The following UTP20 variants were observed in gnomAD, a reference collection of about 807,000 sequenced individuals.
UTP20 encodes the protein UTP20 small subunit processome component.
A neutral mutation model predicts 329.5 loss-of-function variants in UTP20; 164 were observed. That is an observed-to-expected ratio of 0.50 (90% confidence interval 0.44 to 0.57). The LOEUF (loss-of-function observed/expected upper bound fraction) is 0.57, where lower values mean the gene tolerates loss of function less well. Ranked by LOEUF, UTP20 falls within the 20% of genes least tolerant of loss-of-function variation. The pLI, the probability that UTP20 is intolerant of heterozygous loss-of-function variation, is 0.00. For synonymous variants in UTP20, 1,151 were observed against 1,159.3 expected (o/e 0.99, Z 0.14); for missense variants, 3,055 against 3,284.2 (o/e 0.93, Z 1.71).
intron 27 of UTP20, 96 bp downstream of exon 27, chr12:101,329,545 C>T: frequency 1.6e-6 from 2 of 1,241,348 alleles, no homozygotes; most frequent in Non-Finnish European, 2.2e-6. Flanking sequence ...TATCTTCCAA[C>T]TCTCATTTCA....
chr12:101,340,649 G>A (rs745632300), intron 32 of UTP20, 39 bp downstream of exon 32: 2 of 1,362,006 alleles, frequency 1.5e-6, no homozygotes, highest in South Asian at 1.2e-5. Flanking sequence ...TCTCTAGAGT[G>A]GCACTTTATC....
At chr12:101,370,964 A>C in intron 50 of UTP20, 94 bp from the exon 51 acceptor site, 1 of 1,040,302 alleles carries the variant, frequency 9.6e-7, no homozygotes. Context: ...CTTGTGTTTG[A>C]AAATGTCCTG....
At position 101,312,073 on chromosome 12, in the gene UTP20, C is replaced by T. The variant is rs1011525149; in HGVS notation, c.2349C>T (p.Ser783=). ...AGAATGATATGACAGATGAGAAGTC[C>T]GTTGGAGATGAAAGTTGGGAGCAGA... ...ELQNDMTDEK[S]VGDESWEQTQ... is the part of the protein sequence containing the mutation. The change falls in exon 21 of 62, where the codon TCC becomes TCT. Residue 783 remains serine, a synonymous_variant. Coordinates refer to ENST00000261637, the MANE Select transcript of UTP20 (RefSeq NM_014503.3). The T allele has an allele frequency of 4.3e-6, 7 of 1,614,004 alleles. No individual in the cohort carries two copies. The highest frequency in any genetic ancestry group is 5.1e-6 in the Non-Finnish European group (6 of 1,180,036).
intron 41 of UTP20, 131 bp from the exon 42 acceptor site, chr12:101,356,423 G>A (rs2120982979): frequency 1.1e-6 from 1 of 912,454 alleles, no homozygotes; most frequent in South Asian, 2.0e-5. Context: ...ACCGCACCCA[G>A]CCTTTTCTTT....
At chr12:101,354,143 T>C (rs552384884) in intron 40 of UTP20, among the ~76,000 whole-genome samples, 20 of 150,950 alleles carry the variant, frequency 1.3e-4, no homozygotes, top group South Asian at 6.3e-4. Context: ...ACACTTGTAA[T>C]CTCAACTACT....
At chr12:101,290,074 GT>G in intron 6 of UTP20, 62 bp from the exon 7 acceptor site, 2 of 1,243,116 alleles carry the variant, frequency 1.6e-6, no homozygotes, top group Non-Finnish European at 2.2e-6. Context: ...GCAAATGAGA[GT>G]TCTTCATTTG....
At chr12:101,314,822 T>C (rs1872916284) in intron 21 of UTP20, among the ~76,000 whole-genome samples, 1 of 152,110 alleles carries the variant, frequency 6.6e-6, no homozygotes, top group Non-Finnish European at 1.5e-5. Flanking sequence ...CAGTGTTGGC[T>C]GGGCACAGTG....
chr12:101,300,094 T>A (rs1257181078), intron 14 of UTP20, 33 bp downstream of exon 14: 2 of 1,589,416 alleles, frequency 1.3e-6, no homozygotes, highest in Admixed American at 3.3e-5. Flanking sequence ...TCTCTTCTCT[T>A]CTTTTCTGGC....
At chr12:101,316,569 G>A (rs901915360) in intron 21 of UTP20, among the ~76,000 whole-genome samples, 2 of 152,118 alleles carry the variant, frequency 1.3e-5, no homozygotes, top group African/African-American at 4.8e-5. Flanking sequence ...TAGTGTTATC[G>A]ATCTGGAGGT....
intron 56 of UTP20, among the ~76,000 whole-genome samples, chr12:101,377,076 C>T (rs1392179749): frequency 1.3e-5 from 2 of 152,136 alleles, no homozygotes; most frequent in Non-Finnish European, 2.9e-5. Context: ...CCACTGTGCC[C>T]AGCCGGGACC....
chr12:101,342,330 A>G, intron 32 of UTP20, 116 bp from the exon 33 acceptor site: 1 of 821,534 alleles, frequency 1.2e-6, no homozygotes, highest in Non-Finnish European at 1.7e-6. Context: ...TAATTTTTCC[A>G]ATTACTACTT....
chr12:101,357,287 T>C (rs1735235470), intron 43 of UTP20, among the ~76,000 whole-genome samples: 1 of 152,244 alleles, frequency 6.6e-6, no homozygotes, highest in Admixed American at 6.5e-5. Flanking sequence ...AAGATCCTTA[T>C]AGGCCTGGGT....
rs1482538433 is a variant in UTP20 at position 101,281,145 on chromosome 12, T to C, written c.75T>C (p.Asn25=). The C allele has an allele frequency of 1.2e-6, 2 of 1,613,272 alleles. No homozygotes were observed. The highest frequency in any genetic ancestry group is 2.7e-5 in the African/African-American group (2 of 75,036). ...RFLTFAERLG[N]VNIDIIHRID... ...TTACATTTGCTGAACGACTGGGGAA[T>C]GTTAATATTGATATTATTCACCGGA... The change falls in exon 2 of 62, where the codon AAT becomes AAC. Residue 25 remains asparagine (N), a synonymous_variant. Coordinates refer to ENST00000261637, the MANE Select transcript of UTP20 (RefSeq NM_014503.3).
rs1434673403 is a variant in UTP20 at position 101,379,575 on chromosome 12, A to C, written c.7584+17A>C. On this transcript the variant is annotated intron_variant, in intron 57 of 61. Transcript: ENST00000261637. ...GACCAAAAGGTAAGCTTTCTCTCAAACCTTTTCCTTCCCTCGTGACTGTAA... is the reference window on the plus strand; with the variant it reads ...GACCAAAAGGTAAGCTTTCTCTCAACCCTTTTCCTTCCCTCGTGACTGTAA... The C allele has an allele frequency of 6.3e-7, 1 of 1,598,718 alleles. No homozygotes were observed. The highest frequency in any genetic ancestry group is 2.2e-5 in the East Asian group (1 of 44,566).
At chr12:101,338,737 TATC>T in intron 30 of UTP20, 73 bp from the exon 31 acceptor site, 3 of 1,291,838 alleles carry the variant, frequency 2.3e-6, no homozygotes, top group South Asian at 1.8e-5. Context: ...GTGCTTTTCT[TATC>T]ATCATGAAGA....
chr12:101,280,436 CT>C, intron 1 of UTP20, 109 bp downstream of exon 1: 1 of 1,375,146 alleles, frequency 7.3e-7, no homozygotes, highest in Non-Finnish European at 1.0e-6. Flanking sequence ...GAGTGTGTCA[CT>C]TTCCTGGAGG....
At chr12:101,382,984 C>A in intron 58 of UTP20, 57 bp from the exon 59 acceptor site, 1 of 1,544,490 alleles carries the variant, frequency 6.5e-7, no homozygotes, top group Non-Finnish European at 8.7e-7. Flanking sequence ...TCTACTAAGC[C>A]TTATTTATTT....
chr12:101,386,013 C>T lies in UTP20; in HGVS notation c.8248C>T (p.His2750Tyr), dbSNP rs756180074. The T allele has an allele frequency of 6.2e-7, 1 of 1,607,794 alleles. No homozygotes were observed. Among genetic ancestry groups the T allele is most frequent in the Non-Finnish European group, 8.5e-7 (1 of 1,178,206 alleles). The change falls in exon 62 of 62, where the codon CAC (histidine) becomes TAC (tyrosine). Residue 2750 changes from histidine (H) to tyrosine (Y), a missense_variant. Transcript: ENST00000261637. The stretch of plus-strand genomic sequence containing the variant: ...TGCTGCCAAGAAAAAAATGAAGAAA[C>T]ACAAAAATAAAAGTGAAGCAAAGAA... The part of the protein sequence containing the change: ...DIAAKKKMKK[H>Y]KNKSEAKKRK...
At chr12:101,328,611 G>C (rs778014504) in intron 26 of UTP20, among the ~76,000 whole-genome samples, 20 of 152,180 alleles carry the variant, frequency 1.3e-4, no homozygotes, top group Non-Finnish European at 2.6e-4. Context: ...GCTCAGGCCA[G>C]TAATCCCAAC....
Sources: gnomAD v4.1 joint callset for allele counts (sites outside exome capture counted in the v4.1 genomes callset) on GRCh38, gnomAD v4.1.1 for gene constraint, MANE v1.5 for transcripts, NCBI Gene and HGNC (gene_info 2026-07-23, HGNC 2026-07-21) for gene names.